The following RPS6KC1 variants were observed in gnomAD, a reference collection of about 807,000 sequenced individuals.
RPS6KC1 encodes the protein ribosomal protein S6 kinase C1.
A neutral mutation model predicts 103.8 loss-of-function variants in RPS6KC1; 54 were observed. That is an observed-to-expected ratio of 0.52 (90% CI 0.42 to 0.65). RPS6KC1 has a LOEUF of 0.65. Ranked by LOEUF, RPS6KC1 falls within the 30% of genes least tolerant of loss-of-function variation. The pLI is 0.00. For synonymous variants in RPS6KC1, 439 were observed against 438.7 expected, an observed-to-expected ratio of 1.00 and a Z score of -0.01; for missense variants, 1,151 against 1,253.8, an observed-to-expected ratio of 0.92 and a Z score of 1.24.
the RPS6KC1 span, among the ~76,000 whole-genome samples, chr1:213,340,968 T>C: frequency 2.6e-5 from 4 of 152,262 alleles, no homozygotes; most frequent in Non-Finnish European, 5.9e-5. Flanking sequence ...CTGCCCTTTA[T>C]CAGGTAGTTG....
intron 8 of RPS6KC1, among the ~76,000 whole-genome samples, chr1:213,205,879 TA>T (rs1333197421): frequency 6.6e-6 from 1 of 152,074 alleles, no homozygotes; most frequent in Non-Finnish European, 1.5e-5. Flanking sequence ...TATTTTGGAA[TA>T]TTTGCATTAT....
intron 8 of RPS6KC1, among the ~76,000 whole-genome samples, chr1:213,188,580 T>G (rs1365876971): frequency 6.6e-6 from 1 of 152,190 alleles, no homozygotes; most frequent in East Asian, 1.9e-4. Flanking sequence ...GCACTTATAT[T>G]TCTATGTATG....
chr1:213,599,122 T>C, the RPS6KC1 span, among the ~76,000 whole-genome samples: 1 of 152,166 alleles, frequency 6.6e-6, no homozygotes, highest in Non-Finnish European at 1.5e-5. Context: ...TGTGTGGTAT[T>C]TATCAGTGGG....
the RPS6KC1 span, among the ~76,000 whole-genome samples, chr1:213,512,795 A>G: frequency 1.3e-5 from 2 of 152,168 alleles, no homozygotes; most frequent in East Asian, 1.9e-4. Context: ...CTGACCATTT[A>G]CCATCTATCT....
At chr1:213,283,830 T>TA in the RPS6KC1 span, among the ~76,000 whole-genome samples, 16 of 151,770 alleles carry the variant, frequency 1.1e-4, no homozygotes, top group Admixed American at 9.8e-4. Flanking sequence ...TGTCATGCTT[T>TA]AAAAAACCAC....
chr1:213,477,059 T>C, the RPS6KC1 span, among the ~76,000 whole-genome samples: 2 of 152,174 alleles, frequency 1.3e-5, no homozygotes, highest in African/African-American at 4.8e-5. Flanking sequence ...ACCTTCCCCC[T>C]GATGAAAGAT....
the RPS6KC1 span, among the ~76,000 whole-genome samples, chr1:213,577,687 T>G: frequency 6.6e-6 from 1 of 152,164 alleles, no homozygotes; most frequent in Non-Finnish European, 1.5e-5. Flanking sequence ...ACTTTGAACT[T>G]GAGAGAGATG....
the RPS6KC1 span, among the ~76,000 whole-genome samples, chr1:213,791,822 A>G: frequency 6.6e-6 from 1 of 152,168 alleles, no homozygotes. Flanking sequence ...TACCTAATGA[A>G]TGATGTTCAA....
chr1:213,226,970 C>T (rs982039386), intron 8 of RPS6KC1, among the ~76,000 whole-genome samples: 1 of 152,196 alleles, frequency 6.6e-6, no homozygotes, highest in African/African-American at 2.4e-5. Flanking sequence ...CTACCCTCTA[C>T]CACTTATTAT....
At chr1:213,480,495 A>T in the RPS6KC1 span, among the ~76,000 whole-genome samples, 1 of 150,880 alleles carries the variant, frequency 6.6e-6, no homozygotes, top group African/African-American at 2.5e-5. Flanking sequence ...TGATGTACTT[A>T]TCAGTTCTAA....
the RPS6KC1 span, among the ~76,000 whole-genome samples, chr1:213,444,529 A>G: frequency 1.3e-5 from 2 of 152,128 alleles, no homozygotes; most frequent in Admixed American, 6.5e-5. Context: ...TGTTTTCGTT[A>G]TGAGTATCAA....
chr1:213,482,927 T>C, the RPS6KC1 span, among the ~76,000 whole-genome samples: 1 of 152,280 alleles, frequency 6.6e-6, no homozygotes, highest in East Asian at 1.9e-4. Context: ...TGTATTTTAG[T>C]GTCCATCTTT....
intron 14 of RPS6KC1, among the ~76,000 whole-genome samples, chr1:213,263,872 T>C (rs2094855150): frequency 6.6e-6 from 1 of 152,062 alleles, no homozygotes; most frequent in South Asian, 2.1e-4. Flanking sequence ...GTGGTAGTAT[T>C]AGGGGAAGTT....
the RPS6KC1 span, among the ~76,000 whole-genome samples, chr1:213,829,958 C>T: frequency 6.6e-5 from 10 of 152,226 alleles, no homozygotes; most frequent in Admixed American, 2.6e-4. Context: ...TGGCAGAAGC[C>T]GCTCTCACCC....
At chr1:213,672,419 T>A in the RPS6KC1 span, among the ~76,000 whole-genome samples, 1 of 152,230 alleles carries the variant, frequency 6.6e-6, no homozygotes, top group African/African-American at 2.4e-5. Flanking sequence ...AAAAAATCAC[T>A]GGAAAATCTT....
chr1:213,835,586 G>T, the RPS6KC1 span, among the ~76,000 whole-genome samples: 1 of 152,166 alleles, frequency 6.6e-6, no homozygotes, highest in Non-Finnish European at 1.5e-5. Flanking sequence ...TGCAGGAGAG[G>T]CTTTCTGCAC....
the RPS6KC1 span, among the ~76,000 whole-genome samples, chr1:213,423,438 C>A: frequency 4.6e-5 from 7 of 152,172 alleles, no homozygotes; most frequent in East Asian, 9.6e-4. Flanking sequence ...GCAGCAGCAT[C>A]GGATCTGAGG....
intron 8 of RPS6KC1, among the ~76,000 whole-genome samples, chr1:213,222,874 A>G (rs1269151457): frequency 1.3e-5 from 2 of 152,254 alleles, no homozygotes; most frequent in Non-Finnish European, 2.9e-5. Flanking sequence ...ATAGAAGGAT[A>G]ACATTACCAG....
chr1:213,440,898 A>G, the RPS6KC1 span, among the ~76,000 whole-genome samples: 3 of 152,092 alleles, frequency 2.0e-5, no homozygotes, highest in Non-Finnish European at 4.4e-5. Context: ...TAGCGTCCTT[A>G]TTTATAGAGG....
Sources: allele counts gnomAD v4.1 joint callset (sites outside exome capture counted in the v4.1 genomes callset), GRCh38; gene constraint gnomAD v4.1.1; transcripts MANE v1.5; gene names NCBI Gene and HGNC (gene_info 2026-07-23, HGNC 2026-07-21).